Variants in MCF2L observed in about 807,000 individuals in gnomAD.
The protein encoded by MCF2L is guanine nucleotide exchange factor DBS.
Under a neutral mutation model 153.4 loss-of-function variants are expected in MCF2L, and 97 were observed. The ratio of observed to expected loss-of-function variants is 0.63; its 90% CI spans 0.54 to 0.75. MCF2L has a LOEUF of 0.75. MCF2L is among the 30% of genes least tolerant of loss of function. The pLI is 0.00. For missense variants in MCF2L, 1,347 were observed against 1,495.2 expected (o/e 0.90, Z 1.64); for synonymous variants, 659 against 632.2 (o/e 1.04, Z -0.64).
chr13:113,069,724 C>CA (rs1258777145), intron 8 of MCF2L, among the ~76,000 whole-genome samples: 2 of 152,144 alleles, frequency 1.3e-5, no homozygotes, highest in Non-Finnish European at 2.9e-5. Context: ...GACCCTATCT[C>CA]AAAAAATAAA....
At chr13:112,901,442 C>G (rs571607024) in intron 1 of MCF2L, among the ~76,000 whole-genome samples, 19 of 152,306 alleles carry the variant, frequency 1.2e-4, no homozygotes, top group African/African-American at 4.6e-4. Flanking sequence ...GCGTGAGCCA[C>G]AATACGGTTT....
rs555199590 is a variant in MCF2L at position 113,084,785 on chromosome 13, C to T, written c.2062-107C>T. ...GCCTCGCAGGGCCGGGAAGACGCTG[C>T]GTGATGCGGTGCCCGTCCCTCACCG... On this transcript the variant is annotated intron_variant, in intron 18 of 29. Coordinates refer to ENST00000535094, the MANE Select transcript of MCF2L (RefSeq NM_001112732.3). 5.3e-4 allele frequency: 438 copies of T among 831,644 alleles called. 2 individuals are homozygous for T. Among genetic ancestry groups the T allele is most frequent in the South Asian group, 2.0e-3 (134 of 66,034 alleles). The allele number at this position is 831,644 out of a possible 1,614,324, so 51.5% of individuals were successfully genotyped here. A position where few individuals can be genotyped will look rare whatever the true frequency, so the allele number is the denominator to read the frequency against.
In MCF2L at chr13:113,000,802, G is replaced by A. The variant is rs113933503; in HGVS notation, c.80-13961G>A. Among the ~76,000 whole-genome samples the A allele has an allele frequency of 2.9e-3, 441 of 152,306 alleles. 3 individuals carry two copies. The highest frequency in any genetic ancestry group is 1.0e-2 in the African/African-American group (414 of 41,562). On this transcript the variant is annotated intron_variant, in intron 1 of 29. Transcript: ENST00000535094. ...AGTCAGTGCACATGTAAGGCTCTGC[G>A]GAGAAAGGCGCCGGAAGAGGCCGGG...
intron 2 of MCF2L, among the ~76,000 whole-genome samples, chr13:112,927,346 C>T (rs1279302197): frequency 6.6e-6 from 1 of 152,120 alleles, no homozygotes; most frequent in Non-Finnish European, 1.5e-5. Flanking sequence ...TGTATAAGTC[C>T]AGTGTCTTTT....
At position 113,096,970 on chromosome 13, in the gene MCF2L, C is replaced by G. The variant is rs1324211254; in HGVS notation, c.*111C>G. The G allele has an allele frequency of 1.4e-6, 1 of 715,438 alleles. No individual in the cohort carries two copies. The allele number at this position is 715,438 out of a possible 1,614,324, so 44.3% of individuals were successfully genotyped here. On this transcript the variant is annotated 3_prime_UTR_variant, in exon 30 of 30. Transcript: ENST00000535094. ...GGCACCTCACCGCCCCCACCCAGAG[C>G]GCCTGGCCGTGCGGGCTGCAGAGGA...
intron 2 of MCF2L, among the ~76,000 whole-genome samples, chr13:112,952,884 T>A (rs192520787): frequency 2.3e-3 from 352 of 152,248 alleles, no homozygotes; most frequent in Non-Finnish European, 4.0e-3. Context: ...CATCAAAATG[T>A]CAGAGCCACT....
chr13:112,989,327 C>T (rs573527334), intron 1 of MCF2L, among the ~76,000 whole-genome samples: 4 of 143,766 alleles, frequency 2.8e-5, no homozygotes, highest in East Asian at 2.1e-4. Context: ...GGAACTACCA[C>T]GCCCGAGTCC....
chr13:112,930,932 G>A (rs537723016), intron 2 of MCF2L, among the ~76,000 whole-genome samples: 4 of 152,264 alleles, frequency 2.6e-5, no homozygotes, highest in East Asian at 1.9e-4. Flanking sequence ...GTGAGACTCC[G>A]TCTCAAATAA....
intron 21 of MCF2L, among the ~76,000 whole-genome samples, chr13:113,086,710 G>A (rs938158019): frequency 2.0e-5 from 3 of 151,956 alleles, no homozygotes; most frequent in African/African-American, 7.3e-5. Flanking sequence ...TCTTTTGTCC[G>A]TCTTTATGTC....
rs1566814269 is a variant in MCF2L, at chr13:113,056,787, ACTGAGTG to A, written c.370-3805_370-3799del. Among the ~76,000 whole-genome samples the A allele has an allele frequency of 4.4e-3, 335 of 76,906 alleles. 3 individuals are homozygous for A. The highest frequency in any genetic ancestry group is 0.02 in the African/African-American group (291 of 14,428). The allele number at this position is 76,906 out of a possible 152,430, so 50.5% of individuals were successfully genotyped here. A position where few individuals can be genotyped will look rare whatever the true frequency, so the allele number is the denominator to read the frequency against. ...GTGTTTGGGTGCTGAGTGTTTTGGC[ACTGAGTG>A]TTTGGGTGCTGTGTGTTTGGGTGCT... On this transcript the variant is annotated intron_variant, in intron 4 of 29. Transcript: ENST00000535094.
intron 3 of MCF2L, among the ~76,000 whole-genome samples, chr13:113,030,421 C>G (rs1165543210): frequency 1.0e-4 from 15 of 148,858 alleles, no homozygotes; most frequent in Non-Finnish European, 2.1e-4. Context: ...CCTCGGGTGT[C>G]CGCCGACGCC....
intron 9 of MCF2L, among the ~76,000 whole-genome samples, chr13:113,071,923 G>A (rs778164595): frequency 7.2e-5 from 11 of 152,114 alleles, no homozygotes; most frequent in Admixed American, 3.9e-4. Flanking sequence ...GGTTTTCATA[G>A]GAGTTGTGTT....
intron 3 of MCF2L, chr13:113,040,846 C>G (rs1015546692): frequency 6.6e-6 from 1 of 152,216 alleles, no homozygotes; most frequent in African/African-American, 2.4e-5. Flanking sequence ...TGGTTGCACC[C>G]GCAGGCCAGT....
chr13:113,065,853 A>T (rs2032277168), intron 7 of MCF2L, among the ~76,000 whole-genome samples, 193 bp from the exon 8 acceptor site: 1 of 152,138 alleles, frequency 6.6e-6, no homozygotes, highest in South Asian at 2.1e-4. Context: ...GGCACACAGG[A>T]GTGAGGGAGG....
At chr13:113,011,795 G>A (rs2084138432) in intron 1 of MCF2L, among the ~76,000 whole-genome samples, 1 of 123,736 alleles carries the variant, frequency 8.1e-6, no homozygotes, top group Non-Finnish European at 1.7e-5. Context: ...ACTGTGATGC[G>A]GACGGTGGAC....
chr13:112,983,712 T>C lies in MCF2L; in HGVS notation c.79+14254T>C, dbSNP rs2082524583. 6.6e-6 allele frequency among the ~76,000 whole-genome samples: 1 copy of C among 152,200 alleles called. No homozygotes were observed. The highest frequency in any genetic ancestry group is 1.5e-5 in the Non-Finnish European group (1 of 68,036). ...GACACTTCAGTGCTCTGACGCACTG[T>C]GGCCCCGGGGAAGCGTGGTGTCTGC... On this transcript the variant is annotated intron_variant, in intron 1 of 29. Transcript: ENST00000535094. The surrounding 1 kb of genome is among the most constrained non-coding windows in gnomAD (Gnocchi z 4.0).
chr13:113,004,848 T>C (rs1304945379), intron 1 of MCF2L, among the ~76,000 whole-genome samples: 1 of 152,198 alleles, frequency 6.6e-6, no homozygotes, highest in Non-Finnish European at 1.5e-5. Context: ...CTCTGGACCT[T>C]ACGAAGACAA....
rs944609704 is a variant in MCF2L, at chr13:112,983,943, C to T, written c.79+14485C>T. Among the ~76,000 whole-genome samples, 27 of 152,200 alleles carry T rather than the reference C, an allele frequency of 1.8e-4. No individual in the cohort carries two copies. The highest frequency in any genetic ancestry group is 1.1e-3 in the Admixed American group (17 of 15,292). Reference sequence around the variant, plus strand: ...ACATGGAGGAGGAGCCTCCTCTGCCCGGAGGAGACGGTGCTGGGAGAAAAT... The same window carrying T: ...ACATGGAGGAGGAGCCTCCTCTGCCTGGAGGAGACGGTGCTGGGAGAAAAT... On this transcript the variant is annotated intron_variant, in intron 1 of 29. Transcript: ENST00000535094. The surrounding 1 kb of genome is among the most constrained non-coding windows in gnomAD (Gnocchi z 4.0).
At chr13:113,003,909 T>C (rs2141074245) in intron 1 of MCF2L, among the ~76,000 whole-genome samples, 1 of 152,298 alleles carries the variant, frequency 6.6e-6, no homozygotes, top group Non-Finnish European at 1.5e-5. Context: ...GGAGAGTCTG[T>C]CCTCGGGCCC....
Sources: gnomAD v4.1 joint callset for allele counts (sites outside exome capture counted in the v4.1 genomes callset) on GRCh38, gnomAD v4.1.1 for gene constraint, Gnocchi (gnomAD v3.1) non-coding constraint, MANE v1.5 for transcripts, NCBI Gene and HGNC (gene_info 2026-07-23, HGNC 2026-07-21) for gene names.